ADAMTSL1: variants seen among roughly 807,000 people sequenced by gnomAD.
The protein encoded by ADAMTSL1 is ADAMTS-like protein 1.
In ADAMTSL1, 126 loss-of-function variants were observed where a neutral mutation model predicts 201.8. The ratio of observed to expected loss-of-function variants is 0.62; its 90% CI spans 0.54 to 0.72. The LOEUF (loss-of-function observed/expected upper bound fraction) is 0.72. ADAMTSL1 is among the 30% of genes least tolerant of loss of function. ADAMTSL1 has a pLI of 0.00. For synonymous variants in ADAMTSL1, 1,121 were observed against 903.4 expected (o/e 1.24, Z -4.32); for missense variants, 2,679 against 2,277.8 (o/e 1.18, Z -3.59).
chr9:18,428,609 A>T (rs972586857), intron 2 of ADAMTSL1, among the ~76,000 whole-genome samples: 1 of 152,146 alleles, frequency 6.6e-6, no homozygotes, highest in Non-Finnish European at 1.5e-5. Context: ...CCTGTCTCAA[A>T]AAAGAAAAAA....
At chr9:18,644,293 T>G (rs1202914380) in intron 7 of ADAMTSL1, among the ~76,000 whole-genome samples, 1 of 152,022 alleles carries the variant, frequency 6.6e-6, no homozygotes, top group Non-Finnish European at 1.5e-5. Context: ...ATATATTAAT[T>G]TAAGCAGTGC....
intron 1 of ADAMTSL1, among the ~76,000 whole-genome samples, chr9:18,160,174 C>T (rs368396937): frequency 2.0e-5 from 3 of 152,020 alleles, no homozygotes; most frequent in South Asian, 2.1e-4. Flanking sequence ...CTTTGGTGTG[C>T]CATGAATCAG....
At chr9:17,974,319 T>G (rs201728793) in intron 1 of ADAMTSL1, among the ~76,000 whole-genome samples, 5 of 151,982 alleles carry the variant, frequency 3.3e-5, no homozygotes, top group Admixed American at 1.3e-4. Flanking sequence ...CCTGTTTGCA[T>G]ATGACATGAT....
chr9:18,174,536 A>C (rs1828052228), intron 2 of ADAMTSL1, among the ~76,000 whole-genome samples: 1 of 152,162 alleles, frequency 6.6e-6, no homozygotes, highest in Non-Finnish European at 1.5e-5. Context: ...GGCTGTGAGC[A>C]GTGACAAAAT....
chr9:18,857,890 A>C (rs1448215276), intron 23 of ADAMTSL1, among the ~76,000 whole-genome samples: 1 of 152,156 alleles, frequency 6.6e-6, no homozygotes, highest in East Asian at 1.9e-4. Context: ...CGTTCATATC[A>C]TTCTTTAAGA....
chr9:18,458,414 C>A (rs1046579785), intron 2 of ADAMTSL1, among the ~76,000 whole-genome samples: 28 of 152,074 alleles, frequency 1.8e-4, no homozygotes, highest in African/African-American at 6.8e-4. Context: ...GACTTCATGA[C>A]CTATTAGTGA....
chr9:18,559,223 A>C (rs1446808084), intron 3 of ADAMTSL1, among the ~76,000 whole-genome samples: 1 of 152,146 alleles, frequency 6.6e-6, no homozygotes, highest in Admixed American at 6.6e-5. Flanking sequence ...TTTTCTGCAT[A>C]TGGCTAGCCT....
intron 1 of ADAMTSL1, among the ~76,000 whole-genome samples, chr9:17,965,179 A>G (rs1817932818): frequency 6.6e-6 from 1 of 152,182 alleles, no homozygotes; most frequent in South Asian, 2.1e-4. Flanking sequence ...TTTCTTTTCT[A>G]TCTATTTTCT....
intron 2 of ADAMTSL1, among the ~76,000 whole-genome samples, chr9:18,332,062 A>G (rs1171980534): frequency 6.6e-6 from 1 of 152,086 alleles, no homozygotes; most frequent in Admixed American, 6.6e-5. Flanking sequence ...ATTGAGACTG[A>G]GAGGTTTTGG....
intron 1 of ADAMTSL1, among the ~76,000 whole-genome samples, chr9:17,964,294 T>A (rs1354082158): frequency 1.3e-5 from 2 of 152,180 alleles, no homozygotes; most frequent in Non-Finnish European, 2.9e-5. Context: ...TCCTCTTTGG[T>A]TGCTGATGAC....
intron 5 of ADAMTSL1, among the ~76,000 whole-genome samples, chr9:18,631,229 G>A (rs1587745965): frequency 1.3e-5 from 2 of 152,142 alleles, no homozygotes; most frequent in African/African-American, 4.8e-5. Flanking sequence ...TCTGGCCTAG[G>A]CAAATGGAAG....
intron 1 of ADAMTSL1, among the ~76,000 whole-genome samples, chr9:18,113,956 T>C (rs937208469): frequency 3.9e-5 from 6 of 152,060 alleles, no homozygotes; most frequent in Non-Finnish European, 7.4e-5. Context: ...AAAGCTGGGA[T>C]TGCTCTACTG....
chr9:18,257,423 A>G (rs1053419366), intron 2 of ADAMTSL1, among the ~76,000 whole-genome samples: 4 of 152,172 alleles, frequency 2.6e-5, no homozygotes, highest in African/African-American at 9.6e-5. Context: ...AAGATGCTCA[A>G]CACCCCAGTT....
intron 4 of ADAMTSL1, among the ~76,000 whole-genome samples, chr9:18,589,036 C>G (rs149259529): frequency 0.015 from 2,339 of 151,620 alleles, 33 homozygotes; most frequent in Non-Finnish European, 0.02. Flanking sequence ...ACTACCATGA[C>G]TGGCTAATTT....
intron 1 of ADAMTSL1, among the ~76,000 whole-genome samples, chr9:17,990,239 G>A (rs1276082911): frequency 6.6e-6 from 1 of 151,988 alleles, no homozygotes; most frequent in African/African-American, 2.4e-5. Flanking sequence ...TTCCTTTTAT[G>A]TAGCAAGCTC....
chr9:17,936,633 C>T (rs1473977729), intron 1 of ADAMTSL1, among the ~76,000 whole-genome samples: 1 of 152,154 alleles, frequency 6.6e-6, no homozygotes, highest in Non-Finnish European at 1.5e-5. Context: ...CTCCCTTTTC[C>T]TACCTGCTGT....
At chr9:18,700,879 G>C (rs1831883151) in intron 13 of ADAMTSL1, among the ~76,000 whole-genome samples, 1 of 152,128 alleles carries the variant, frequency 6.6e-6, no homozygotes, top group Non-Finnish European at 1.5e-5. Flanking sequence ...ATCTGACAAA[G>C]ATTTAACCTA....
chr9:18,509,623 G>T (rs1362614735), intron 2 of ADAMTSL1, among the ~76,000 whole-genome samples: 3 of 152,174 alleles, frequency 2.0e-5, no homozygotes, highest in Non-Finnish European at 4.4e-5. Context: ...TCCTCCAGCA[G>T]GCTAGCCTAG....
At chr9:18,571,157 T>A (rs1020818920) in intron 3 of ADAMTSL1, among the ~76,000 whole-genome samples, 1 of 152,244 alleles carries the variant, frequency 6.6e-6, no homozygotes, top group Admixed American at 6.5e-5. Context: ...AGAGGTTTTA[T>A]GTCTGTACTA....
Sources: gnomAD v4.1 joint callset for allele counts (sites outside exome capture counted in the v4.1 genomes callset) on GRCh38, gnomAD v4.1.1 for gene constraint, MANE v1.5 for transcripts, NCBI Gene and HGNC (gene_info 2026-07-23, HGNC 2026-07-21) for gene names.